The following SGPP2 variants were observed in gnomAD, a reference collection of about 807,000 sequenced individuals.
SGPP2 encodes sphingosine-1-phosphate phosphatase 2.
A neutral mutation model predicts 33.9 loss-of-function variants in SGPP2; 30 were observed. That is an observed-to-expected ratio of 0.89 (90% CI 0.66 to 1.20). The LOEUF is 1.20. SGPP2 is among the 50% of genes most tolerant of loss of function. The probability of loss-of-function intolerance (pLI) is 0.00; values close to 1 mark genes in which losing one functional copy is unlikely to be tolerated. For missense variants in SGPP2, 458 were observed against 532.1 expected (o/e 0.86, Z 1.37); for synonymous variants, 233 against 225.0 (o/e 1.04, Z -0.32).
At chr2:222,545,546 T>A (rs1055220558) in intron 4 of SGPP2, among the ~76,000 whole-genome samples, 1 of 152,126 alleles carries the variant, frequency 6.6e-6, no homozygotes, top group African/African-American at 2.4e-5. Context: ...CCTCCCAAAG[T>A]GCTGGGATTA....
At chr2:222,494,995 G>A (rs1698254693) in intron 2 of SGPP2, among the ~76,000 whole-genome samples, 1 of 152,134 alleles carries the variant, frequency 6.6e-6, no homozygotes, top group African/African-American at 2.4e-5. Flanking sequence ...TCGCGCCACT[G>A]CACTCCAGCC....
chr2:222,433,773 G>A (rs1403747297), intron 1 of SGPP2, among the ~76,000 whole-genome samples: 3 of 152,066 alleles, frequency 2.0e-5, no homozygotes, highest in Non-Finnish European at 4.4e-5. Context: ...CTTTTTAATT[G>A]CTTTGCTTTC....
chr2:222,496,223 C>T (rs1334709191), intron 2 of SGPP2, among the ~76,000 whole-genome samples: 4 of 152,216 alleles, frequency 2.6e-5, no homozygotes, highest in Non-Finnish European at 5.9e-5. Context: ...TGTTAACACA[C>T]GACAACATGA....
At position 222,460,631 on chromosome 2, in the gene SGPP2, T is replaced by A. The variant is rs1697644068; in HGVS notation, c.220-13937T>A. ...CCAAGTTCTAAACCCAGCCTCCTTATTACGACCTCCAGGGCTCTCCTCTCT... is the reference window on the plus strand; with the variant it reads ...CCAAGTTCTAAACCCAGCCTCCTTAATACGACCTCCAGGGCTCTCCTCTCT... On this transcript the variant is annotated intron_variant, in intron 1 of 4. Transcript: ENST00000321276. This position sits in a 1 kb window ranked among gnomAD's most constrained non-coding sequence, Gnocchi z 4.3. Among the ~76,000 whole-genome samples the A allele has an allele frequency of 6.6e-6, 1 of 152,190 alleles. No individual in the cohort carries two copies. Among genetic ancestry groups the A allele is most frequent in the Non-Finnish European group, 1.5e-5 (1 of 68,032 alleles).
intron 2 of SGPP2, among the ~76,000 whole-genome samples, chr2:222,490,091 G>T (rs1275784588): frequency 1.3e-5 from 2 of 152,198 alleles, no homozygotes; most frequent in Non-Finnish European, 2.9e-5. Flanking sequence ...GTGCTCATCT[G>T]TGTCTAGCCC....
intron 2 of SGPP2, among the ~76,000 whole-genome samples, chr2:222,496,729 T>G (rs1458594920): frequency 6.6e-6 from 1 of 152,182 alleles, no homozygotes; most frequent in African/African-American, 2.4e-5. Flanking sequence ...TTTGTGCTCC[T>G]TTTCTGGTGT....
At chr2:222,535,721 T>G (rs1274468675) in intron 4 of SGPP2, among the ~76,000 whole-genome samples, 1 of 152,198 alleles carries the variant, frequency 6.6e-6, no homozygotes, top group Non-Finnish European at 1.5e-5. Context: ...CAGCATGGTG[T>G]GTGGTCAGAC....
intron 4 of SGPP2, among the ~76,000 whole-genome samples, chr2:222,543,423 A>G (rs546108832): frequency 6.6e-6 from 1 of 152,348 alleles, no homozygotes; most frequent in African/African-American, 2.4e-5. Context: ...CTGAAACTGC[A>G]GGTAGTACCA....
chr2:222,544,900 C>T (rs11903994), intron 4 of SGPP2, among the ~76,000 whole-genome samples: 46,187 of 151,958 alleles, frequency 0.3, 7,633 homozygotes, highest in South Asian at 0.47. Flanking sequence ...CTGAAATGCA[C>T]TTTTAATAGT....
Position 222,483,647 on chromosome 2 carries a change from T to A in SGPP2, c.378+8921T>A, listed in dbSNP as rs532898751. Among the ~76,000 whole-genome samples the A allele has an allele frequency of 5.9e-5, 9 of 152,334 alleles. No individual in the cohort carries two copies. In the East Asian group the frequency reaches 9.6e-4, roughly 16 times the overall value. The stretch of plus-strand genomic sequence containing the variant: ...GTGATAATGTGTCAAAACAGACTAG[T>A]GTGTTTTGGGATGTGGGCAGGCTGC... On this transcript the variant is annotated intron_variant, in intron 2 of 4. Transcript: ENST00000321276.
At chr2:222,534,289 A>G (rs1176705786) in intron 4 of SGPP2, among the ~76,000 whole-genome samples, 1 of 152,246 alleles carries the variant, frequency 6.6e-6, no homozygotes, top group Non-Finnish European at 1.5e-5. Context: ...AAAACTAGCC[A>G]GAATTTTTGT....
At chr2:222,473,775 T>C (rs2106095401) in intron 1 of SGPP2, among the ~76,000 whole-genome samples, 1 of 152,028 alleles carries the variant, frequency 6.6e-6, no homozygotes, top group African/African-American at 2.4e-5. Context: ...AAATACAAAA[T>C]TAGCTGGGTG....
chr2:222,464,278 G>T (rs1260011864), intron 1 of SGPP2, among the ~76,000 whole-genome samples: 2 of 152,194 alleles, frequency 1.3e-5, no homozygotes, highest in East Asian at 3.8e-4. Context: ...AATGGCAGTG[G>T]TTATTTCTGT....
rs754298428 is a variant in SGPP2, at chr2:222,545,806, G to A, written c.649-12541G>A. Among the ~76,000 whole-genome samples the A allele has an allele frequency of 3.3e-5, 5 of 152,184 alleles. No individual in the cohort carries two copies. The East Asian group carries it at 9.7e-4, about 29-fold the overall frequency. ...CTTAAAGAGTTCAGAATTGAGCCGGGCCAAGTAGCCTGTCAAGAGAAATAG... is the reference window on the plus strand; with the variant it reads ...CTTAAAGAGTTCAGAATTGAGCCGGACCAAGTAGCCTGTCAAGAGAAATAG... On this transcript the variant is annotated intron_variant, in intron 4 of 4. Coordinates refer to ENST00000321276, the MANE Select transcript of SGPP2 (RefSeq NM_152386.4).
intron 1 of SGPP2, among the ~76,000 whole-genome samples, chr2:222,470,982 G>A (rs936303112): frequency 2.9e-4 from 44 of 152,162 alleles, no homozygotes; most frequent in Non-Finnish European, 2.1e-4. Flanking sequence ...TCCTTGTTTT[G>A]CAAATGCAAC....
chr2:222,473,273 C>T (rs1258360842), intron 1 of SGPP2, among the ~76,000 whole-genome samples: 1 of 152,162 alleles, frequency 6.6e-6, no homozygotes, highest in Non-Finnish European at 1.5e-5. Flanking sequence ...GGTGGTATTT[C>T]TTCTGGAGGC....
rs768068683 is a variant in SGPP2 at position 222,558,339 on chromosome 2, TC to T, written c.649-5del. 6.2e-7 allele frequency: 1 copy of T among 1,613,054 alleles called. No individual in the cohort carries two copies. The highest frequency in any genetic ancestry group is 1.7e-5 in the Admixed American group (1 of 60,014). ...GGTTCACACTGTTCTTTTCTCTCCT[TC>T]CCAAAGGATGTGCTGGGTGGCGTCC... On this transcript the variant is annotated splice_polypyrimidine_tract_variant and splice_region_variant and intron_variant, in intron 4 of 4. Transcript: ENST00000321276.
At position 222,459,622 on chromosome 2, in the gene SGPP2, G is replaced by GGT. The variant is rs145273176; in HGVS notation, c.220-14929_220-14928dup. Among the ~76,000 whole-genome samples, 706 of 150,758 alleles carry GGT rather than the reference G, an allele frequency of 4.7e-3. 4 individuals carry two copies. The highest frequency in any genetic ancestry group is 6.6e-3 in the African/African-American group (273 of 41,138). On this transcript the variant is annotated intron_variant, in intron 1 of 4. Coordinates refer to ENST00000321276, the MANE Select transcript of SGPP2 (RefSeq NM_152386.4). ...GCATGCATGTGTGTGTGCGTGCATG[G>GGT]GTGTGTGTGTGTGTGTGTCTCAGAG...
chr2:222,482,523 A>G (rs1010100769), intron 2 of SGPP2, among the ~76,000 whole-genome samples: 4 of 152,068 alleles, frequency 2.6e-5, no homozygotes, highest in African/African-American at 9.7e-5. Flanking sequence ...CAGCCTCCCA[A>G]GTAGCTGGAA....
Sources: gnomAD v4.1 joint callset for allele counts (sites outside exome capture counted in the v4.1 genomes callset) on GRCh38, gnomAD v4.1.1 for gene constraint, Gnocchi (gnomAD v3.1) non-coding constraint, MANE v1.5 for transcripts, NCBI Gene and HGNC (gene_info 2026-07-23, HGNC 2026-07-21) for gene names.